Variants in CCDC91 observed in about 807,000 individuals in gnomAD.
CCDC91 encodes the protein coiled-coil domain-containing protein 91.
CCDC91 carries 48 observed loss-of-function variants against 63.2 expected under a neutral mutation model. The ratio of observed to expected loss-of-function variants is 0.76; its 90% confidence interval spans 0.60 to 0.97. The LOEUF (loss-of-function observed/expected upper bound fraction) is 0.97. Among genes scored for constraint, CCDC91 ranks in the 50% least tolerant of loss-of-function variants. CCDC91 has a pLI of 0.00. For missense variants in CCDC91, 500 were observed against 494.6 expected (o/e 1.01, Z -0.10); for synonymous variants, 167 against 165.8 (o/e 1.01, Z -0.06).
intron 6 of CCDC91, among the ~76,000 whole-genome samples, chr12:28,311,547 G>C: frequency 6.6e-6 from 1 of 152,058 alleles, no homozygotes; most frequent in East Asian, 1.9e-4. Flanking sequence ...AAAAATAAAG[G>C]CGAAACTTGG....
chr12:28,256,430 CCTT>C (rs1946452971), intron 1 of CCDC91, among the ~76,000 whole-genome samples: 2 of 149,186 alleles, frequency 1.3e-5, no homozygotes, highest in South Asian at 4.2e-4. Context: ...AGCTGCTGCT[CCTT>C]TTTTTTTTTT....
chr12:28,295,297 C>A (rs1405279650), intron 3 of CCDC91, among the ~76,000 whole-genome samples: 1 of 152,048 alleles, frequency 6.6e-6, no homozygotes, highest in Admixed American at 6.6e-5. Context: ...TACTTTATCG[C>A]TGTGAGTCAA....
chr12:28,343,640 G>A (rs1004507905), intron 6 of CCDC91, among the ~76,000 whole-genome samples: 1 of 152,080 alleles, frequency 6.6e-6, no homozygotes, highest in Non-Finnish European at 1.5e-5. Flanking sequence ...GGAGAGGAAT[G>A]TTCCTTTTTC....
chr12:28,430,070 A>G (rs577727228), intron 8 of CCDC91, among the ~76,000 whole-genome samples: 15 of 152,164 alleles, frequency 9.9e-5, no homozygotes, highest in African/African-American at 3.4e-4. Context: ...GAAGACTATT[A>G]TAAGTGTTAA....
intron 7 of CCDC91, among the ~76,000 whole-genome samples, chr12:28,389,872 G>A (rs1313968168): frequency 1.3e-5 from 2 of 151,984 alleles, no homozygotes; most frequent in Admixed American, 6.6e-5. Context: ...CAAATGGTAT[G>A]TTTCCACACA....
At chr12:28,239,060 C>T (rs769334219) in intron 1 of CCDC91, among the ~76,000 whole-genome samples, 1 of 150,556 alleles carries the variant, frequency 6.6e-6, no homozygotes, top group Non-Finnish European at 1.5e-5. Flanking sequence ...GCGGAGGTTG[C>T]AGTGAGCTGA....
At chr12:28,353,725 C>T (rs1943335105) in intron 6 of CCDC91, among the ~76,000 whole-genome samples, 1 of 152,086 alleles carries the variant, frequency 6.6e-6, no homozygotes. Flanking sequence ...ACAATAGTAA[C>T]ATCAAAGATA....
chr12:28,426,481 T>G (rs1349897616), intron 8 of CCDC91, among the ~76,000 whole-genome samples: 1 of 152,180 alleles, frequency 6.6e-6, no homozygotes, highest in Non-Finnish European at 1.5e-5. Flanking sequence ...TTCTTGGCTA[T>G]TTTTGTTTGA....
At chr12:28,364,405 AAAAAC>A (rs560732034) in intron 7 of CCDC91, among the ~76,000 whole-genome samples, 3 of 152,176 alleles carry the variant, frequency 2.0e-5, no homozygotes, top group Non-Finnish European at 4.4e-5. Flanking sequence ...AACAAAAACA[AAAAAC>A]AAAGTCTGAT....
intron 3 of CCDC91, among the ~76,000 whole-genome samples, chr12:28,267,995 T>C (rs1449632708): frequency 2.5e-5 from 3 of 121,954 alleles, no homozygotes; most frequent in Admixed American, 1.1e-4. Flanking sequence ...CTTAATTATA[T>C]AATACTTAAT....
Position 28,393,245 on chromosome 12 carries a change from G to A in CCDC91, c.762+1834G>A, listed in dbSNP as rs567623953. On this transcript the variant is annotated intron_variant, in intron 8 of 12. Coordinates refer to ENST00000536442, the MANE Select transcript of CCDC91 (RefSeq NM_018318.5). Reference sequence around the variant, plus strand: ...ACAAAATATTGGGAGCCCAGGGGTCGTTTTAAGTAGCAAATAGTTACAGTT... The same window carrying A: ...ACAAAATATTGGGAGCCCAGGGGTCATTTTAAGTAGCAAATAGTTACAGTT... 7.4e-4 allele frequency among the ~76,000 whole-genome samples: 112 copies of A among 152,082 alleles called. 3 individuals carry two copies. The South Asian group carries it at 0.021, about 29-fold the overall frequency.
intron 6 of CCDC91, among the ~76,000 whole-genome samples, chr12:28,334,177 T>G (rs1158384775): frequency 6.6e-6 from 1 of 152,036 alleles, no homozygotes; most frequent in African/African-American, 2.4e-5. Flanking sequence ...AGGCGCTATA[T>G]GTGGCAGGGA....
At chr12:28,517,255 G>GTAT (rs1940053043) in intron 12 of CCDC91, among the ~76,000 whole-genome samples, 1 of 151,908 alleles carries the variant, frequency 6.6e-6, no homozygotes, top group Non-Finnish European at 1.5e-5. Context: ...CAAGGCCTTA[G>GTAT]TTATAGGCTG....
chr12:28,363,608 G>A (rs186826142), intron 7 of CCDC91, among the ~76,000 whole-genome samples: 13 of 152,264 alleles, frequency 8.5e-5, no homozygotes, highest in Non-Finnish European at 1.3e-4. Context: ...TTTGGGCCGG[G>A]CATGGTGGCT....
chr12:28,547,152 C>T (rs959280363), intron 12 of CCDC91, among the ~76,000 whole-genome samples: 2 of 152,034 alleles, frequency 1.3e-5, no homozygotes, highest in Non-Finnish European at 2.9e-5. Context: ...TGCTTAAAAA[C>T]ATCCAAAAGT....
chr12:28,433,415 G>A (rs973945573), intron 8 of CCDC91, among the ~76,000 whole-genome samples: 14 of 151,990 alleles, frequency 9.2e-5, no homozygotes, highest in African/African-American at 3.4e-4. Context: ...TCTGTGTCTA[G>A]ATATAGTTTT....
chr12:28,490,313 G>A (rs1357978087), intron 12 of CCDC91, among the ~76,000 whole-genome samples: 1 of 151,772 alleles, frequency 6.6e-6, no homozygotes, highest in Admixed American at 6.6e-5. Context: ...ATGCTTTTAT[G>A]TAACCAACAC....
Position 28,307,735 on chromosome 12 carries a change from T to A in CCDC91, c.562T>A (p.Tyr188Asn). The change falls in exon 6 of 13, where the codon TAC becomes AAC. Residue 188 changes from tyrosine to asparagine, a missense_variant. Tyr to Asn is a moderately radical substitution (Grantham distance 143). Coordinates refer to ENST00000536442, the MANE Select transcript of CCDC91 (RefSeq NM_018318.5). ...AGAGGCCATTTCTTTTCAAGATAGATACAAAGAACTTCAGGTAAGGCGATT... is the reference window on the plus strand; with the variant it reads ...AGAGGCCATTTCTTTTCAAGATAGAAACAAAGAACTTCAGGTAAGGCGATT... The part of the protein sequence containing the change: ...EQEAISFQDR[Y>N]KELQEKHKQE... The A allele has an allele frequency of 6.4e-7, 1 of 1,561,842 alleles. No individual in the cohort carries two copies. Among genetic ancestry groups the A allele is most frequent in the Non-Finnish European group, 8.8e-7 (1 of 1,142,524 alleles).
intron 7 of CCDC91, among the ~76,000 whole-genome samples, chr12:28,376,406 T>G (rs1029843236): frequency 4.6e-5 from 7 of 151,818 alleles, no homozygotes; most frequent in Admixed American, 4.6e-4. Flanking sequence ...CTGCTGTTTT[T>G]AATACTTAAG....
Sources: gnomAD v4.1 joint callset for allele counts (sites outside exome capture counted in the v4.1 genomes callset) on GRCh38, gnomAD v4.1.1 for gene constraint, MANE v1.5 for transcripts, NCBI Gene and HGNC (gene_info 2026-07-23, HGNC 2026-07-21) for gene names.